Variants in PTPN3 observed in about 807,000 individuals in gnomAD.
PTPN3 encodes the protein tyrosine-protein phosphatase non-receptor type 3.
PTPN3 carries 96 observed loss-of-function variants against 132.7 expected under a neutral mutation model. The ratio of observed to expected loss-of-function variants is 0.72; its 90% CI spans 0.61 to 0.86. The LOEUF (loss-of-function observed/expected upper bound fraction) is 0.86. Ranked by LOEUF, PTPN3 falls within the 40% of genes least tolerant of loss-of-function variation. PTPN3 has a pLI of 0.00. For synonymous variants in PTPN3, 398 were observed against 429.0 expected (o/e 0.93, Z 0.89); for missense variants, 1,125 against 1,159.6 (o/e 0.97, Z 0.43).
chr9:109,455,838 C>A (rs758572381), intron 4 of PTPN3, among the ~76,000 whole-genome samples: 2 of 152,220 alleles, frequency 1.3e-5, no homozygotes, highest in Non-Finnish European at 2.9e-5. Flanking sequence ...TTGATCTGGA[C>A]TGGATTCCCA....
At chr9:109,508,979 A>G in the PTPN3 span, among the ~76,000 whole-genome samples, 1 of 152,232 alleles carries the variant, frequency 6.6e-6, no homozygotes, top group East Asian at 1.9e-4. Flanking sequence ...GGATTGCTTG[A>G]GGCCAGGAGT....
At chr9:109,493,378 G>GA (rs1438318407) in intron 1 of PTPN3, among the ~76,000 whole-genome samples, 1 of 151,798 alleles carries the variant, frequency 6.6e-6, no homozygotes, top group Non-Finnish European at 1.5e-5. Context: ...GGGCTGGAAG[G>GA]AATCAGTCAG....
Position 109,391,469 on chromosome 9 carries a change from A to C in PTPN3, c.2044+2T>G, listed in dbSNP as rs1840090583. 1 of 1,610,088 alleles carries C rather than the reference A, an allele frequency of 6.2e-7. No homozygotes were observed. The highest frequency in any genetic ancestry group is 8.5e-7 in the Non-Finnish European group (1 of 1,176,526). On this transcript the variant is annotated splice_donor_variant, in intron 20 of 25. Transcript: ENST00000374541. LOFTEE classifies it high-confidence loss of function. ...AAGGAGGCATTCATGCCGGATACTC[A>C]CAAGGCAGCACATCTTTATATCGGT...
intron 1 of PTPN3, among the ~76,000 whole-genome samples, chr9:109,482,024 G>A (rs755215630): frequency 6.6e-6 from 1 of 152,234 alleles, no homozygotes; most frequent in Non-Finnish European, 1.5e-5. Context: ...ATAGAAAATG[G>A]AGCCTCTGCC....
chr9:109,522,423 G>A, the PTPN3 span, among the ~76,000 whole-genome samples: 3 of 152,126 alleles, frequency 2.0e-5, no homozygotes, highest in African/African-American at 7.2e-5. Context: ...AAGAGGCCTC[G>A]AATAAAGAGG....
chr9:109,448,776 C>A, intron 6 of PTPN3, 35 bp downstream of exon 6: 3 of 1,566,308 alleles, frequency 1.9e-6, no homozygotes, highest in Non-Finnish European at 2.6e-6. Flanking sequence ...TTTTGCTAGT[C>A]TAACAGGAAA....
chr9:109,433,686 C>G (rs545251647), intron 9 of PTPN3, among the ~76,000 whole-genome samples: 1 of 152,046 alleles, frequency 6.6e-6, no homozygotes, highest in Non-Finnish European at 1.5e-5. Flanking sequence ...AGGGTGGATC[C>G]CTTGAGCCCA....
chr9:109,454,619 G>C, intron 4 of PTPN3, 45 bp from the exon 5 acceptor site: 2 of 1,469,752 alleles, frequency 1.4e-6, no homozygotes, highest in Non-Finnish European at 1.9e-6. Flanking sequence ...CTTTGACAAA[G>C]TCAATGTATG....
chr9:109,448,355 CCTTCTAG>C (rs1845001763), intron 6 of PTPN3, among the ~76,000 whole-genome samples: 1 of 152,276 alleles, frequency 6.6e-6, no homozygotes, highest in African/African-American at 2.4e-5. Flanking sequence ...ATTTCCTCTC[CCTTCTAG>C]CTACTGAGAT....
At chr9:109,537,069 C>G in the PTPN3 span, among the ~76,000 whole-genome samples, 1 of 152,074 alleles carries the variant, frequency 6.6e-6, no homozygotes, top group South Asian at 2.1e-4. Context: ...TGGCAGGACT[C>G]CAAGACTCCA....
intron 18 of PTPN3, among the ~76,000 whole-genome samples, 171 bp from the exon 19 acceptor site, chr9:109,404,779 T>C (rs1358286799): frequency 6.6e-6 from 1 of 152,264 alleles, no homozygotes; most frequent in African/African-American, 2.4e-5. Context: ...TCTAGGTGAA[T>C]GATTCAATAT....
chr9:109,527,487 T>C, the PTPN3 span, among the ~76,000 whole-genome samples: 1 of 152,098 alleles, frequency 6.6e-6, no homozygotes, highest in Non-Finnish European at 1.5e-5. Flanking sequence ...AATAAAAATT[T>C]AAAAATAAAA....
In PTPN3 at chr9:109,446,838, T is replaced by C. The variant is rs547224433; in HGVS notation, c.414-1546A>G. Among the ~76,000 whole-genome samples the C allele has an allele frequency of 2.6e-5, 4 of 152,336 alleles. No homozygotes were observed. In the East Asian group the frequency reaches 7.7e-4, roughly 29 times the overall value. ...CCTAAACACATCCCTTTCTTTCACC[T>C]TGGGCTTCAGGGTCTTCACCTGCTG... On this transcript the variant is annotated intron_variant, in intron 6 of 25. Coordinates refer to ENST00000374541, the MANE Select transcript of PTPN3 (RefSeq NM_002829.4).
At chr9:109,390,039 G>C (rs1839928362) in intron 21 of PTPN3, among the ~76,000 whole-genome samples, 2 of 152,198 alleles carry the variant, frequency 1.3e-5, no homozygotes, top group South Asian at 2.1e-4. Context: ...AGGTGAGCAA[G>C]GTAAAGGAAG....
chr9:109,441,336 C>T (rs1223375142), intron 7 of PTPN3, among the ~76,000 whole-genome samples: 2 of 152,214 alleles, frequency 1.3e-5, no homozygotes, highest in Admixed American at 6.5e-5. Flanking sequence ...CAAAGTACAG[C>T]ATTTCAAGCT....
intron 14 of PTPN3, among the ~76,000 whole-genome samples, chr9:109,416,740 G>C (rs936994310): frequency 2.0e-5 from 3 of 152,040 alleles, no homozygotes; most frequent in Non-Finnish European, 4.4e-5. Context: ...AGCCACTATG[G>C]CTGGCCAGCA....
chr9:109,424,593 C>A (rs1843111919), intron 12 of PTPN3, among the ~76,000 whole-genome samples: 1 of 152,214 alleles, frequency 6.6e-6, no homozygotes, highest in Non-Finnish European at 1.5e-5. Flanking sequence ...ATTCAACCAC[C>A]CTCCTGGAGT....
chr9:109,426,599 G>T (rs1430465124), intron 12 of PTPN3, among the ~76,000 whole-genome samples: 3 of 152,142 alleles, frequency 2.0e-5, no homozygotes, highest in Non-Finnish European at 2.9e-5. Context: ...TGTGGGAGAG[G>T]CTGGCATAGT....
chr9:109,532,169 T>C, the PTPN3 span, among the ~76,000 whole-genome samples: 1 of 152,220 alleles, frequency 6.6e-6, no homozygotes, highest in Non-Finnish European at 1.5e-5. Flanking sequence ...AGTCCTGGGC[T>C]TTCTGTCAGT....
Sources: gnomAD v4.1 joint callset for allele counts (sites outside exome capture counted in the v4.1 genomes callset) on GRCh38, gnomAD v4.1.1 for gene constraint, MANE v1.5 for transcripts, NCBI Gene and HGNC (gene_info 2026-07-23, HGNC 2026-07-21) for gene names.